FIP1L1: variants seen among roughly 807,000 people sequenced by gnomAD.
The protein encoded by FIP1L1 is pre-mRNA 3'-end-processing factor FIP1.
Under a neutral mutation model 84.6 loss-of-function variants are expected in FIP1L1, and 21 were observed. The observed-to-expected ratio is 0.25, with a 90% confidence interval of 0.18 to 0.36. FIP1L1 has a LOEUF of 0.36. Ranked by LOEUF, FIP1L1 falls within the 10% of genes least tolerant of loss-of-function variation. The pLI, the probability that FIP1L1 is intolerant of heterozygous loss-of-function variation, is 1.00. For missense variants in FIP1L1, 526 were observed against 751.1 expected, an observed-to-expected ratio of 0.70 and a Z score of 3.50; for synonymous variants, 263 against 242.3, an observed-to-expected ratio of 1.09 and a Z score of -0.80.
intron 9 of FIP1L1, among the ~76,000 whole-genome samples, chr4:53,393,912 A>G (rs1745855442): frequency 6.6e-6 from 1 of 151,614 alleles, no homozygotes; most frequent in Admixed American, 6.6e-5. Context: ...CTTATGGAAC[A>G]CTTTCTTCTT....
intron 10 of FIP1L1, among the ~76,000 whole-genome samples, chr4:53,411,741 C>T (rs1560528294): frequency 1.3e-5 from 2 of 152,056 alleles, no homozygotes; most frequent in Non-Finnish European, 2.9e-5. Flanking sequence ...TTTTTTCGTA[C>T]TTTATCAATA....
intron 10 of FIP1L1, among the ~76,000 whole-genome samples, chr4:53,401,930 T>C (rs527717470): frequency 6.6e-6 from 1 of 152,230 alleles, no homozygotes; most frequent in East Asian, 1.9e-4. Flanking sequence ...AAAATGGAAT[T>C]AGACCATAAA....
intron 5 of FIP1L1, among the ~76,000 whole-genome samples, chr4:53,385,142 C>T (rs143615279): frequency 2.3e-4 from 35 of 152,224 alleles, no homozygotes; most frequent in African/African-American, 7.5e-4. Context: ...TAAATAATTA[C>T]TTAATGAGAA....
intron 10 of FIP1L1, among the ~76,000 whole-genome samples, chr4:53,404,237 A>G (rs1261463818): frequency 7.8e-6 from 1 of 127,592 alleles, no homozygotes; most frequent in Non-Finnish European, 1.6e-5. Flanking sequence ...TTCAATTCCC[A>G]CCTATGAGTG....
chr4:53,392,155 T>C (rs893783269), intron 9 of FIP1L1, among the ~76,000 whole-genome samples: 5 of 152,272 alleles, frequency 3.3e-5, no homozygotes, highest in African/African-American at 1.2e-4. Context: ...AGAATAATAC[T>C]ATATTGTCAT....
At chr4:53,432,631 A>G (rs2150083401) in intron 13 of FIP1L1, among the ~76,000 whole-genome samples, 1 of 152,276 alleles carries the variant, frequency 6.6e-6, no homozygotes, top group African/African-American at 2.4e-5. Flanking sequence ...TATTCTGAGT[A>G]CATTCCATGT....
At chr4:53,428,828 A>C (rs1578817371) in intron 13 of FIP1L1, among the ~76,000 whole-genome samples, 1 of 152,168 alleles carries the variant, frequency 6.6e-6, no homozygotes, top group Non-Finnish European at 1.5e-5. Context: ...ATCTGCCTTA[A>C]CCAAGTTTTT....
At chr4:53,382,240 TAATGCCTG>T in intron 3 of FIP1L1, 30 bp from the exon 4 acceptor site, 1 of 1,474,402 alleles carries the variant, frequency 6.8e-7, no homozygotes, top group Non-Finnish European at 9.5e-7. Context: ...TTCCGAAAAG[TAATGCCTG>T]ACATGTATAC....
chr4:53,394,906 T>C (rs1210600674), intron 9 of FIP1L1, among the ~76,000 whole-genome samples: 2 of 152,204 alleles, frequency 1.3e-5, no homozygotes, highest in Non-Finnish European at 2.9e-5. Flanking sequence ...GTTAAACTTT[T>C]ACAAATGAAG....
At chr4:53,405,204 T>A (rs1752608687) in intron 10 of FIP1L1, among the ~76,000 whole-genome samples, 1 of 152,186 alleles carries the variant, frequency 6.6e-6, no homozygotes, top group Non-Finnish European at 1.5e-5. Context: ...AAGGAAGGGA[T>A]CCAGTTTCAG....
chr4:53,432,419 A>G (rs1767148686), intron 13 of FIP1L1, among the ~76,000 whole-genome samples: 3 of 150,128 alleles, frequency 2.0e-5, no homozygotes, highest in Non-Finnish European at 4.4e-5. Flanking sequence ...AAAAAAAAAA[A>G]AAAAAGAAAG....
In FIP1L1 at chr4:53,457,390, T is replaced by C. The variant is rs1311822110; in HGVS notation, c.1500-1263T>C. Among the ~76,000 whole-genome samples, 4 of 152,066 alleles carry C rather than the reference T, an allele frequency of 2.6e-5. No homozygotes were observed. The South Asian group carries it at 6.2e-4, about 24-fold the overall frequency. ...GTACATATTTATGGGTAGAAAAAAA[T>C]AGTGGAAATACATATACAAATATGT... On this transcript the variant is annotated intron_variant, in intron 16 of 17. Coordinates refer to ENST00000337488, the MANE Select transcript of FIP1L1 (RefSeq NM_030917.4).
chr4:53,425,467 G>A (rs1163593934), intron 11 of FIP1L1, among the ~76,000 whole-genome samples: 1 of 151,868 alleles, frequency 6.6e-6, no homozygotes, highest in Non-Finnish European at 1.5e-5. Flanking sequence ...AGGCCTTTTT[G>A]GGGAATATTT....
intron 10 of FIP1L1, among the ~76,000 whole-genome samples, chr4:53,413,231 G>T (rs1327751962): frequency 4.6e-5 from 7 of 151,328 alleles, no homozygotes; most frequent in African/African-American, 1.7e-4. Context: ...TAGTTTCCCT[G>T]TTTCTTCCTT....
intron 9 of FIP1L1, among the ~76,000 whole-genome samples, chr4:53,394,086 A>C (rs1745972240): frequency 6.6e-6 from 1 of 151,298 alleles, no homozygotes; most frequent in African/African-American, 2.4e-5. Flanking sequence ...TCTGTTGTTA[A>C]TTTCCAAGAA....
chr4:53,431,866 A>G (rs538239668), intron 13 of FIP1L1, among the ~76,000 whole-genome samples: 10 of 152,332 alleles, frequency 6.6e-5, no homozygotes, highest in South Asian at 4.1e-4. Flanking sequence ...TTTAATGTCA[A>G]ATAGTTCACA....
At chr4:53,391,564 T>C (rs1381447352) in intron 9 of FIP1L1, 66 bp downstream of exon 9, 6 of 1,113,450 alleles carry the variant, frequency 5.4e-6, no homozygotes, top group Non-Finnish European at 8.2e-6. Context: ...CCCATGCCAC[T>C]ACTCAAGGGA....
chr4:53,412,474 T>C (rs1184202777), intron 10 of FIP1L1, among the ~76,000 whole-genome samples: 2 of 152,128 alleles, frequency 1.3e-5, no homozygotes, highest in African/African-American at 4.8e-5. Context: ...TAAATCTGGA[T>C]CAGCTTCTTA....
intron 16 of FIP1L1, among the ~76,000 whole-genome samples, chr4:53,455,267 T>G (rs752156079): frequency 1.3e-5 from 2 of 152,198 alleles, no homozygotes; most frequent in African/African-American, 4.8e-5. Context: ...TTAATTTTCT[T>G]CAATAGCTTT....
Sources: allele counts gnomAD v4.1 joint callset (sites outside exome capture counted in the v4.1 genomes callset), GRCh38; gene constraint gnomAD v4.1.1; transcripts MANE v1.5; gene names NCBI Gene and HGNC (gene_info 2026-07-23, HGNC 2026-07-21).